The following NFKBID variants were observed in gnomAD, a reference collection of about 807,000 sequenced individuals.
NFKBID encodes the protein NF-kappa-B inhibitor delta.
Under a neutral mutation model 53.4 loss-of-function variants are expected in NFKBID, and 26 were observed. That is an observed-to-expected ratio of 0.49 (90% CI 0.36 to 0.68). The LOEUF is 0.68. Ranked by LOEUF, NFKBID falls within the 30% of genes least tolerant of loss-of-function variation. The probability of loss-of-function intolerance (pLI) is 0.00; values close to 1 mark genes in which losing one functional copy is unlikely to be tolerated. For synonymous variants in NFKBID, 262 were observed against 259.8 expected (o/e 1.01, Z -0.08); for missense variants, 493 against 614.1 (o/e 0.80, Z 2.08).
In NFKBID at chr19:35,896,410, C is replaced by T; in HGVS notation, c.813G>A (p.Gly271=). ...GCCATACCAAGAGAACTCCTGGGAG[C>T]CCGTAGGTAGCGGCCACGTGCAAGA... The change falls in exon 7 of 12, where the codon GGG becomes GGA. Residue 271 remains glycine (G), a synonymous_variant. Transcript: ENST00000641389. The surrounding 1 kb of genome is among the most constrained non-coding windows in gnomAD (Gnocchi z 5.7). The T allele has an allele frequency of 6.2e-7, 1 of 1,614,178 alleles. No homozygotes were observed. Among genetic ancestry groups the T allele is most frequent in the Non-Finnish European group, 8.5e-7 (1 of 1,180,040 alleles).
chr19:35,892,996 C>G lies in NFKBID; in HGVS notation c.1033-2506G>C, dbSNP rs956983611. ...CCTGGGCAACATAGTGAGACCCCCCCTCTCTACAAAAAATATAAAACAATT... is the reference window on the plus strand; with the variant it reads ...CCTGGGCAACATAGTGAGACCCCCCGTCTCTACAAAAAATATAAAACAATT... On this transcript the variant is annotated intron_variant, in intron 9 of 11. Coordinates refer to ENST00000641389, the Ensembl canonical transcript of NFKBID. Among the ~76,000 whole-genome samples, 7 of 152,080 alleles carry G rather than the reference C, an allele frequency of 4.6e-5. No homozygotes were observed. The South Asian group carries it at 6.2e-4, about 14-fold the overall frequency.
intron 11 of NFKBID, among the ~76,000 whole-genome samples, chr19:35,889,195 A>AG (rs1568483515): frequency 2.0e-5 from 3 of 151,270 alleles, no homozygotes; most frequent in Admixed American, 2.0e-4. Flanking sequence ...TTAAAAAAAA[A>AG]AAAAAACAAA....
At chr19:35,900,827 CTTTTTT>C (rs60365058), upstream of NFKBID, among the ~76,000 whole-genome samples, 182 of 107,586 alleles carry the variant, frequency 1.7e-3, 1 homozygote, top group African/African-American at 5.4e-3. Flanking sequence ...TTTTTCTTTT[CTTTTTT>C]TTTTTTTTTT....
At chr19:35,902,250 G>A, upstream of NFKBID, 1 of 703,830 alleles carries the variant, frequency 1.4e-6, no homozygotes, top group Non-Finnish European at 2.6e-6. Flanking sequence ...CAGAAGGCTT[G>A]GCTGTCTAGG....
intron 11 of NFKBID, 116 bp from the exon 12 acceptor site, chr19:35,888,728 T>C (rs1283004742): frequency 1.3e-6 from 1 of 762,662 alleles, no homozygotes; most frequent in East Asian, 2.7e-5. Flanking sequence ...CCCTTTGGAT[T>C]TGAAGATCAG....
At chr19:35,897,557 C>T (rs1348148535) in intron 4 of NFKBID, 94 bp downstream of exon 4, 9 of 734,178 alleles carry the variant, frequency 1.2e-5, no homozygotes, top group South Asian at 6.3e-5. Context: ...AAAAGGGAAT[C>T]GTAACTGAGC....
intron 9 of NFKBID, among the ~76,000 whole-genome samples, chr19:35,894,700 A>C (rs1975007346): frequency 6.6e-6 from 1 of 151,890 alleles, no homozygotes; most frequent in Non-Finnish European, 1.5e-5. Context: ...CCTGTCTCAA[A>C]GAGATTTTTG....
At chr19:35,899,080 G>C (rs954945853) in intron 1 of NFKBID, among the ~76,000 whole-genome samples, 1 of 152,304 alleles carries the variant, frequency 6.6e-6, no homozygotes, top group East Asian at 1.9e-4. Context: ...GTGAGGAAGG[G>C]GGAGGAGGGC....
chr19:35,897,403 C>T (rs999186123), intron 4 of NFKBID: 4 of 570,820 alleles, frequency 7.0e-6, no homozygotes, highest in East Asian at 2.9e-5. Flanking sequence ...TACAGGCGTG[C>T]GCCACTACAC....
intron 9 of NFKBID, among the ~76,000 whole-genome samples, chr19:35,892,382 A>T (rs1205062179): frequency 6.6e-6 from 1 of 151,784 alleles, no homozygotes; most frequent in Non-Finnish European, 1.5e-5. Flanking sequence ...ACTTATTATT[A>T]TTACTAAAAA....
intron 10 of NFKBID, 131 bp downstream of exon 10, chr19:35,890,243 G>T: frequency 3.5e-6 from 3 of 850,420 alleles, no homozygotes; most frequent in Non-Finnish European, 5.7e-6. Context: ...ATCTGTGTCT[G>T]CTTCCTATAC....
chr19:35,897,425 T>G, intron 4 of NFKBID: 1 of 582,078 alleles, frequency 1.7e-6, no homozygotes, highest in Non-Finnish European at 3.1e-6. Flanking sequence ...CAGCTAATTT[T>G]TTTATTTTTG....
intron 9 of NFKBID, among the ~76,000 whole-genome samples, chr19:35,891,531 C>T (rs1228658693): frequency 6.6e-6 from 1 of 151,964 alleles, no homozygotes; most frequent in Non-Finnish European, 1.5e-5. Context: ...ACAAGAAAAT[C>T]TTTAATTTTT....
chr19:35,894,602 G>GTGATCCT (rs1975001505), intron 9 of NFKBID, among the ~76,000 whole-genome samples: 2 of 152,080 alleles, frequency 1.3e-5, no homozygotes, highest in Non-Finnish European at 2.9e-5. Context: ...GGAGGCTGAG[G>GTGATCCT]TGGGAGGATC....
exon 4 of NFKBID, chr19:35,897,653 C>G: frequency 6.5e-7 from 1 of 1,545,174 alleles, no homozygotes; most frequent in Non-Finnish European, 9.0e-7. Flanking sequence ...TATCTCACCT[C>G]CATGCCCTGG....
Position 35,896,799 on chromosome 19 carries a change from C to T in NFKBID, c.611G>A (p.Arg204His), listed in dbSNP as rs1338763934. The T allele has an allele frequency of 1.9e-6, 3 of 1,613,982 alleles. No individual in the cohort carries two copies. The highest frequency in any genetic ancestry group is 1.7e-6 in the Non-Finnish European group (2 of 1,179,896). ...CTCAGCCGCAGCATATGCCGCCCAG[C>T]GCAGCCCCCGAGCCGCAAACAGGTG... The change falls in exon 6 of 12, where the codon CGC becomes CAC. Residue 204 changes from arginine (R) to histidine (H), a missense_variant. Coordinates refer to ENST00000641389, the Ensembl canonical transcript of NFKBID. This position sits in a 1 kb window ranked among gnomAD's most constrained non-coding sequence, Gnocchi z 5.7.
chr19:35,891,866 CA>C (rs553659618), intron 9 of NFKBID, among the ~76,000 whole-genome samples: 43 of 136,028 alleles, frequency 3.2e-4, no homozygotes, highest in African/African-American at 5.9e-4. Context: ...GACTCCGTCT[CA>C]AAAAAAAAAA....
intron 1 of NFKBID, among the ~76,000 whole-genome samples, chr19:35,899,274 C>G (rs2146969639): frequency 6.6e-6 from 1 of 152,212 alleles, no homozygotes; most frequent in Admixed American, 6.6e-5. Flanking sequence ...CGCCCCTCCT[C>G]GAGAAGTCAA....
At chr19:35,891,413 G>GT (rs1974751568) in intron 9 of NFKBID, among the ~76,000 whole-genome samples, 1 of 151,842 alleles carries the variant, frequency 6.6e-6, no homozygotes, top group Non-Finnish European at 1.5e-5. Context: ...TTGAAAAGAC[G>GT]TAACATCATA....
Sources: gnomAD v4.1 joint callset for allele counts (sites outside exome capture counted in the v4.1 genomes callset) on GRCh38, gnomAD v4.1.1 for gene constraint, Gnocchi (gnomAD v3.1) non-coding constraint, MANE v1.5 for transcripts, NCBI Gene and HGNC (gene_info 2026-07-23, HGNC 2026-07-21) for gene names.